Variants in SLIT1 observed in about 807,000 individuals in gnomAD.
SLIT1 encodes slit homolog 1 protein.
In SLIT1, 66 loss-of-function variants were observed where a neutral mutation model predicts 186.1. The observed-to-expected ratio is 0.35, with a 90% CI of 0.29 to 0.44. The LOEUF (loss-of-function observed/expected upper bound fraction) is 0.44, where lower values mean the gene tolerates loss of function less well. Ranked by LOEUF, SLIT1 falls within the 20% of genes least tolerant of loss-of-function variation. The pLI, the probability that SLIT1 is intolerant of heterozygous loss-of-function variation, is 1.00. For missense variants in SLIT1, 1,638 were observed against 2,037.4 expected, an observed-to-expected ratio of 0.80 and a Z score of 3.77; for synonymous variants, 761 against 833.8, an observed-to-expected ratio of 0.91 and a Z score of 1.50.
intron 18 of SLIT1, among the ~76,000 whole-genome samples, chr10:97,045,897 C>A (rs1311238270): frequency 6.6e-6 from 1 of 152,208 alleles, no homozygotes. Context: ...AATATAGTAG[C>A]CACTAGCCAC....
chr10:97,134,344 C>T (rs1849681702), intron 4 of SLIT1, among the ~76,000 whole-genome samples: 1 of 152,198 alleles, frequency 6.6e-6, no homozygotes, highest in Admixed American at 6.5e-5. Flanking sequence ...ACCCAAATAC[C>T]CAGGCCCCAG....
At position 97,048,963 on chromosome 10, in the gene SLIT1, C is replaced by T. The variant is rs750818752; in HGVS notation, c.1457G>A (p.Arg486Gln). 24 of 1,607,042 alleles carry T rather than the reference C, an allele frequency of 1.5e-5. No individual in the cohort carries two copies. Among genetic ancestry groups the T allele is most frequent in the African/African-American group, 5.4e-5 (4 of 74,372 alleles). The change falls in exon 14 of 37, where the codon CGG becomes CAG. Residue 486 changes from arginine to glutamine, a missense_variant. Arg to Gln is a conservative substitution (Grantham distance 43). This residue lies in a region of SLIT1 where 1,245 missense variants were observed against 1,535.3 expected (regional missense o/e 0.81). Transcript: ENST00000266058. The part of the protein sequence containing the change: ...RIGQIKSKKF[R>Q]CSAKEQYFIP... ...GGCAGGCGGGCAGGTACCTGAGCAC[C>T]GGAACTTCTTGCTCTTGATCTGCCC...
chr10:97,003,809 G>A (rs141752927), intron 34 of SLIT1, among the ~76,000 whole-genome samples: 23 of 152,308 alleles, frequency 1.5e-4, no homozygotes, highest in Non-Finnish European at 3.1e-4. Context: ...CCAAGGTGTT[G>A]CAGATAGCTC....
chr10:97,159,863 G>T (rs750596876), intron 3 of SLIT1, among the ~76,000 whole-genome samples: 1 of 152,134 alleles, frequency 6.6e-6, no homozygotes, highest in African/African-American at 2.4e-5. Flanking sequence ...GAGGTTTCCT[G>T]CCACCACTGC....
intron 4 of SLIT1, among the ~76,000 whole-genome samples, chr10:97,097,524 T>G (rs1333118177): frequency 6.6e-6 from 1 of 152,244 alleles, no homozygotes; most frequent in Non-Finnish European, 1.5e-5. Context: ...AAAAACTAGC[T>G]GTTAAAAGCA....
At chr10:97,046,842 G>A (rs1848738474) in intron 17 of SLIT1, 45 bp from the exon 18 acceptor site, 3 of 1,602,936 alleles carry the variant, frequency 1.9e-6, no homozygotes, top group African/African-American at 1.3e-5. Context: ...CCAGCAGCCA[G>A]GAGCTCAGGC....
At position 97,068,776 on chromosome 10, in the gene SLIT1, G is replaced by A. The variant is rs1357787296; in HGVS notation, c.414-2690C>T. 6.6e-6 allele frequency among the ~76,000 whole-genome samples: 1 copy of A among 152,144 alleles called. No individual in the cohort carries two copies. The highest frequency in any genetic ancestry group is 1.5e-5 in the Non-Finnish European group (1 of 68,034). On this transcript the variant is annotated intron_variant, in intron 4 of 36. Coordinates refer to ENST00000266058, the MANE Select transcript of SLIT1 (RefSeq NM_003061.3). This position sits in a 1 kb window ranked among gnomAD's most constrained non-coding sequence, Gnocchi z 4.2. ...TGTGCCATATCGCCAGCTCCCCAGT[G>A]TAGTCTGTCAGTATTCCTGGAGACA...
intron 1 of SLIT1, among the ~76,000 whole-genome samples, chr10:97,169,801 C>A (rs1466356748): frequency 6.6e-6 from 1 of 152,244 alleles, no homozygotes; most frequent in Non-Finnish European, 1.5e-5. Context: ...CATTTCACAA[C>A]CTATAAGGGG....
At chr10:97,062,349 G>A (rs1032654140) in intron 8 of SLIT1, among the ~76,000 whole-genome samples, 3 of 152,362 alleles carry the variant, frequency 2.0e-5, no homozygotes, top group Non-Finnish European at 4.4e-5. Flanking sequence ...CTGAGGAGGG[G>A]AGGCTGTGCC....
intron 25 of SLIT1, among the ~76,000 whole-genome samples, chr10:97,029,885 T>C (rs1282955509): frequency 6.6e-6 from 1 of 152,234 alleles, no homozygotes; most frequent in Non-Finnish European, 1.5e-5. Context: ...TCATACAATA[T>C]TCGTCCTCTT....
rs571270855 is a variant in SLIT1, at chr10:97,115,155, G to C, written c.413+42663C>G. Among the ~76,000 whole-genome samples, 594 of 152,346 alleles carry C rather than the reference G, an allele frequency of 3.9e-3. 2 individuals carry two copies. The highest frequency in any genetic ancestry group is 0.011 in the African/African-American group (458 of 41,578). ...AACATTTGGATCATGTAGTTTGAAG[G>C]CTGGCCCAGTGCAGGGGCCCCTTCC... On this transcript the variant is annotated intron_variant, in intron 4 of 36. Coordinates refer to ENST00000266058, the MANE Select transcript of SLIT1 (RefSeq NM_003061.3).
intron 5 of SLIT1, 140 bp downstream of exon 5, chr10:97,065,875 T>G: frequency 1.5e-6 from 1 of 650,748 alleles, no homozygotes; most frequent in Non-Finnish European, 2.8e-6. Flanking sequence ...CAGAAGACCA[T>G]GCTGGCACCA....
intron 1 of SLIT1, among the ~76,000 whole-genome samples, chr10:97,165,344 C>G (rs1850090376): frequency 6.6e-6 from 1 of 152,176 alleles, no homozygotes; most frequent in Non-Finnish European, 1.5e-5. Context: ...CCTGCGCTTG[C>G]AAAGGTCCCC....
At chr10:97,048,123 C>A (rs1848751554) in intron 14 of SLIT1, 127 bp from the exon 15 acceptor site, 2 of 1,008,626 alleles carry the variant, frequency 2.0e-6, no homozygotes, top group Non-Finnish European at 3.1e-6. Flanking sequence ...TCTGCCCAGT[C>A]CCTGTGTGCA....
At chr10:97,146,250 T>G (rs1849815853) in intron 4 of SLIT1, among the ~76,000 whole-genome samples, 1 of 152,214 alleles carries the variant, frequency 6.6e-6, no homozygotes, top group African/African-American at 2.4e-5. Flanking sequence ...CAAGATCCAC[T>G]GATGCCTGGC....
chr10:97,164,407 C>A (rs551589774), intron 2 of SLIT1, among the ~76,000 whole-genome samples: 2 of 152,296 alleles, frequency 1.3e-5, no homozygotes, highest in African/African-American at 4.8e-5. Context: ...AGAGCATGGG[C>A]CTCCCCAGAC....
At chr10:97,033,953 C>T (rs1385724522) in intron 23 of SLIT1, among the ~76,000 whole-genome samples, 1 of 151,646 alleles carries the variant, frequency 6.6e-6, no homozygotes, top group Non-Finnish European at 1.5e-5. Flanking sequence ...CAAGCTCCAC[C>T]TCCCAGGTTC....
chr10:97,011,817 GC>G (rs1848413450), intron 30 of SLIT1, among the ~76,000 whole-genome samples: 1 of 151,966 alleles, frequency 6.6e-6, no homozygotes, highest in Non-Finnish European at 1.5e-5. Flanking sequence ...GCACTTCCCT[GC>G]CTTCACACCT....
intron 25 of SLIT1, among the ~76,000 whole-genome samples, chr10:97,028,476 C>T (rs955890894): frequency 7.2e-5 from 11 of 152,228 alleles, no homozygotes; most frequent in Admixed American, 7.2e-4. Context: ...ACCAAACACC[C>T]TTTATCCTAT....
Sources: gnomAD v4.1 joint callset for allele counts (sites outside exome capture counted in the v4.1 genomes callset) on GRCh38, gnomAD v4.1.1 for gene constraint, gnomAD v4.1.1 regional missense constraint, Gnocchi (gnomAD v3.1) non-coding constraint, MANE v1.5 for transcripts, NCBI Gene and HGNC (gene_info 2026-07-23, HGNC 2026-07-21) for gene names.